The following ATP9B variants were observed in gnomAD, a reference collection of about 807,000 sequenced individuals.
The protein encoded by ATP9B is ATPase phospholipid transporting 9B.
In ATP9B, 110 loss-of-function variants were observed where a neutral mutation model predicts 146.1. The ratio of observed to expected loss-of-function variants is 0.75; its 90% CI spans 0.65 to 0.88. The LOEUF (loss-of-function observed/expected upper bound fraction) is 0.88. Ranked by LOEUF, ATP9B falls within the 40% of genes least tolerant of loss-of-function variation. The pLI is 0.00. For missense variants in ATP9B, 1,499 were observed against 1,496.4 expected (o/e 1.00, Z -0.03); for synonymous variants, 604 against 569.7 (o/e 1.06, Z -0.86).
At chr18:79,284,695 A>T (rs546690397) in intron 13 of ATP9B, among the ~76,000 whole-genome samples, 974 of 31,566 alleles carry the variant, frequency 0.031, 6 homozygotes, top group African/African-American at 0.13. Flanking sequence ...ATATGTATAC[A>T]TGTGCCATGC....
At chr18:79,071,898 T>G (rs1484129437) in intron 1 of ATP9B, among the ~76,000 whole-genome samples, 8 of 133,122 alleles carry the variant, frequency 6.0e-5, no homozygotes, top group Non-Finnish European at 8.9e-5. Context: ...TGTTTTTTTT[T>G]TTTTTTTTGG....
At chr18:79,350,140 A>G (rs1464222815) in intron 25 of ATP9B, among the ~76,000 whole-genome samples, 1 of 152,182 alleles carries the variant, frequency 6.6e-6, no homozygotes, top group African/African-American at 2.4e-5. Flanking sequence ...ACAGCTACCA[A>G]GACTCCTGGG....
In ATP9B at chr18:79,157,409, A is replaced by AAAAAAACAAAC. The variant is rs1555714799; in HGVS notation, c.778+2860_778+2861insCAAACAAAAAA. ...GAAACTCCATCTCAAAAAAAAAAAA[A>AAAAAAACAAAC]AAAAAAAAAAAAAAACATGTATTGA... On this transcript the variant is annotated intron_variant, in intron 7 of 29. Coordinates refer to ENST00000426216, the MANE Select transcript of ATP9B (RefSeq NM_198531.5). Among the ~76,000 whole-genome samples the AAAAAAACAAAC allele has an allele frequency of 6.6e-3, 980 of 147,568 alleles. 15 individuals carry two copies. The highest frequency in any genetic ancestry group is 0.023 in the East Asian group (110 of 4,862).
At chr18:79,297,907 A>C (rs1390824376) in intron 13 of ATP9B, among the ~76,000 whole-genome samples, 1 of 147,076 alleles carries the variant, frequency 6.8e-6, no homozygotes, top group Non-Finnish European at 1.5e-5. Flanking sequence ...AGCATATGAC[A>C]AATGTAGCCC....
intron 15 of ATP9B, among the ~76,000 whole-genome samples, chr18:79,317,878 A>G (rs766992215): frequency 6.6e-6 from 1 of 152,220 alleles, no homozygotes. Context: ...AGCATCTGGT[A>G]CTGCCAGGAA....
At chr18:79,156,955 A>G (rs2094792761) in intron 7 of ATP9B, among the ~76,000 whole-genome samples, 1 of 152,116 alleles carries the variant, frequency 6.6e-6, no homozygotes, top group Admixed American at 6.5e-5. Flanking sequence ...CTCCTCAACC[A>G]CAGACAGAGG....
At chr18:79,264,158 GATA>G (rs2096176618) in intron 12 of ATP9B, among the ~76,000 whole-genome samples, 1 of 152,174 alleles carries the variant, frequency 6.6e-6, no homozygotes, top group African/African-American at 2.4e-5. Context: ...AAATTTACCA[GATA>G]ATGTTTAACT....
At chr18:79,330,881 A>T (rs1033500607) in intron 17 of ATP9B, among the ~76,000 whole-genome samples, 2 of 152,244 alleles carry the variant, frequency 1.3e-5, no homozygotes, top group African/African-American at 4.8e-5. Flanking sequence ...TCAAAGTTAT[A>T]TTTTAATGTA....
chr18:79,310,287 G>T (rs1275852785), intron 15 of ATP9B, among the ~76,000 whole-genome samples: 1 of 152,234 alleles, frequency 6.6e-6, no homozygotes, highest in Non-Finnish European at 1.5e-5. Context: ...ACTGGGAAGG[G>T]CATCACCGTT....
chr18:79,352,673 C>T (rs967076270), intron 25 of ATP9B: 4 of 152,146 alleles, frequency 2.6e-5, no homozygotes, highest in Admixed American at 1.3e-4. Context: ...TTCAAGAGTC[C>T]TTGTACCTGC....
intron 11 of ATP9B, among the ~76,000 whole-genome samples, chr18:79,237,639 T>C (rs2095853930): frequency 6.6e-6 from 1 of 151,990 alleles, no homozygotes; most frequent in Non-Finnish European, 1.5e-5. Flanking sequence ...CTGTAGAGGT[T>C]GGTATACCTT....
intron 1 of ATP9B, among the ~76,000 whole-genome samples, chr18:79,070,089 T>G (rs538870647): frequency 6.6e-6 from 1 of 152,350 alleles, no homozygotes; most frequent in South Asian, 2.1e-4. Flanking sequence ...TTGAGAACGG[T>G]TAACTTGTTT....
chr18:79,153,108 T>G (rs1234227725), intron 6 of ATP9B, among the ~76,000 whole-genome samples: 1 of 152,212 alleles, frequency 6.6e-6, no homozygotes, highest in Non-Finnish European at 1.5e-5. Context: ...ATAACATAGC[T>G]TTCTTCAGCT....
At chr18:79,223,187 G>T (rs1182978636) in intron 11 of ATP9B, among the ~76,000 whole-genome samples, 2 of 152,152 alleles carry the variant, frequency 1.3e-5, no homozygotes, top group Admixed American at 6.5e-5. Flanking sequence ...TTGAGATCAT[G>T]GAACAAAATA....
chr18:79,125,188 T>A (rs1439085881), intron 4 of ATP9B, among the ~76,000 whole-genome samples: 1 of 152,064 alleles, frequency 6.6e-6, no homozygotes, highest in Non-Finnish European at 1.5e-5. Context: ...AGGAGAAGAC[T>A]TGATGTGCTC....
chr18:79,184,632 T>C (rs1226062816), intron 8 of ATP9B, among the ~76,000 whole-genome samples: 1 of 152,216 alleles, frequency 6.6e-6, no homozygotes, highest in Non-Finnish European at 1.5e-5. Flanking sequence ...GACTTTCTAA[T>C]GTAATTGGAA....
At chr18:79,132,009 T>C (rs1175510143) in intron 5 of ATP9B, among the ~76,000 whole-genome samples, 1 of 152,176 alleles carries the variant, frequency 6.6e-6, no homozygotes, top group Admixed American at 6.5e-5. Context: ...CCTTTTTTGG[T>C]GATGAAAGTG....
intron 12 of ATP9B, among the ~76,000 whole-genome samples, chr18:79,272,841 G>T (rs2096270307): frequency 6.6e-6 from 1 of 152,172 alleles, no homozygotes; most frequent in Non-Finnish European, 1.5e-5. Flanking sequence ...TGTTCCCGAG[G>T]CTCAGAAAAA....
At chr18:79,098,939 C>G (rs1032431878) in intron 2 of ATP9B, among the ~76,000 whole-genome samples, 1 of 152,100 alleles carries the variant, frequency 6.6e-6, no homozygotes, top group Non-Finnish European at 1.5e-5. Flanking sequence ...TGTGTTTCCT[C>G]GAAGTTAAAC....
Sources: gnomAD v4.1 joint callset for allele counts (sites outside exome capture counted in the v4.1 genomes callset) on GRCh38, gnomAD v4.1.1 for gene constraint, MANE v1.5 for transcripts, NCBI Gene and HGNC (gene_info 2026-07-23, HGNC 2026-07-21) for gene names.